Variants in LRFN5 observed in about 807,000 individuals in gnomAD.
The protein encoded by LRFN5 is leucine rich repeat and fibronectin type III domain containing 5, also known as leucine-rich repeat and fibronectin type-III domain-containing protein 5.
Under a neutral mutation model 45.6 loss-of-function variants are expected in LRFN5, and 24 were observed. That is an observed-to-expected ratio of 0.53 (90% CI 0.38 to 0.74). The LOEUF is 0.74. LRFN5 is among the 30% of genes least tolerant of loss of function. The pLI, the probability that LRFN5 is intolerant of heterozygous loss-of-function variation, is 0.00. For synonymous variants in LRFN5, 340 were observed against 313.8 expected, an observed-to-expected ratio of 1.08 and a Z score of -0.88; for missense variants, 776 against 861.5, an observed-to-expected ratio of 0.90 and a Z score of 1.24.
At chr14:41,724,788 T>A (rs542193884) in intron 1 of LRFN5, among the ~76,000 whole-genome samples, 1 of 152,220 alleles carries the variant, frequency 6.6e-6, no homozygotes, top group Non-Finnish European at 1.5e-5. Context: ...CCCGCCCTTA[T>A]GAGAATCATG....
chr14:41,613,948 G>A (rs1426494881), intron 1 of LRFN5, among the ~76,000 whole-genome samples: 2 of 151,944 alleles, frequency 1.3e-5, no homozygotes, highest in East Asian at 3.9e-4. Context: ...CTTCAAGTAG[G>A]TTTTCCATGG....
chr14:41,835,694 C>G (rs1888638347), intron 2 of LRFN5, among the ~76,000 whole-genome samples: 1 of 152,026 alleles, frequency 6.6e-6, no homozygotes, highest in African/African-American at 2.4e-5. Flanking sequence ...CTACTGCACT[C>G]CAGCCTGGCA....
chr14:41,685,263 A>G (rs1351388070), intron 1 of LRFN5, among the ~76,000 whole-genome samples: 1 of 152,162 alleles, frequency 6.6e-6, no homozygotes, highest in African/African-American at 2.4e-5. Context: ...TAAAAATAGA[A>G]CTACTATATT....
chr14:41,878,586 C>T (rs1431252718), intron 2 of LRFN5, among the ~76,000 whole-genome samples: 2 of 151,998 alleles, frequency 1.3e-5, no homozygotes, highest in Admixed American at 6.5e-5. Flanking sequence ...ACAGAATTTG[C>T]TTCAAATAAC....
chr14:41,744,997 T>C (rs1017925445), intron 1 of LRFN5, among the ~76,000 whole-genome samples: 2 of 152,010 alleles, frequency 1.3e-5, no homozygotes, highest in African/African-American at 4.8e-5. Flanking sequence ...GATAAGAAGA[T>C]AGAAGATTTA....
At chr14:41,756,837 T>C (rs1885410900) in intron 1 of LRFN5, among the ~76,000 whole-genome samples, 1 of 152,184 alleles carries the variant, frequency 6.6e-6, no homozygotes, top group Non-Finnish European at 1.5e-5. Context: ...GGTGCTCTGA[T>C]TTTTAGAGTT....
intron 2 of LRFN5, among the ~76,000 whole-genome samples, chr14:41,837,028 TC>T (rs1888684999): frequency 6.6e-6 from 1 of 151,834 alleles, no homozygotes. Context: ...GCCAGTTTCT[TC>T]CTCCCCACAC....
At chr14:41,669,973 T>TA (rs1171209197) in intron 1 of LRFN5, among the ~76,000 whole-genome samples, 4 of 134,586 alleles carry the variant, frequency 3.0e-5, no homozygotes, top group Non-Finnish European at 6.4e-5. Flanking sequence ...AAAAAATAGT[T>TA]AAAAATATAG....
intron 1 of LRFN5, among the ~76,000 whole-genome samples, chr14:41,718,031 C>T (rs957228761): frequency 3.9e-5 from 6 of 152,004 alleles, no homozygotes; most frequent in South Asian, 2.1e-4. Flanking sequence ...GTCTCCAAAA[C>T]CAAGACAGAA....
chr14:41,616,252 A>T (rs1887922201), intron 1 of LRFN5, among the ~76,000 whole-genome samples: 1 of 152,142 alleles, frequency 6.6e-6, no homozygotes, highest in Non-Finnish European at 1.5e-5. Flanking sequence ...TGTCTGTTCT[A>T]GACAAGAATG....
chr14:41,661,791 G>A (rs1880668037), intron 1 of LRFN5, among the ~76,000 whole-genome samples: 1 of 151,986 alleles, frequency 6.6e-6, no homozygotes, highest in Non-Finnish European at 1.5e-5. Flanking sequence ...GGTTGCCCTA[G>A]GCACCTTTGA....
At chr14:41,674,571 C>T in intron 1 of LRFN5, among the ~76,000 whole-genome samples, 1 of 145,952 alleles carries the variant, frequency 6.9e-6, no homozygotes, top group African/African-American at 2.5e-5. Flanking sequence ...CCCCACCTCT[C>T]TCCAGGACGG....
chr14:41,805,922 C>T (rs913549072), intron 2 of LRFN5, among the ~76,000 whole-genome samples: 3 of 152,022 alleles, frequency 2.0e-5, no homozygotes, highest in East Asian at 1.9e-4. Context: ...CTTGGTCACA[C>T]GACTGAGGCA....
Position 41,886,887 on chromosome 14 carries a change from A to G in LRFN5, c.262A>G (p.Ser88Gly). The G allele has an allele frequency of 6.2e-7, 1 of 1,614,212 alleles. No homozygotes were observed. The highest frequency in any genetic ancestry group is 8.5e-7 in the Non-Finnish European group (1 of 1,180,026). ...CCTGACTCTATCCAGGAATACAATA[A>G]GTTTTATTACACCTCATGCTTTCGC... ...VDLTLSRNTI[S>G]FITPHAFADL... The change falls in exon 3 of 6, where the codon AGT (serine) becomes GGT (glycine). Residue 88 changes from serine to glycine, a missense_variant. Ser to Gly is a moderately conservative substitution (Grantham distance 56). Transcript: ENST00000298119.
intron 1 of LRFN5, among the ~76,000 whole-genome samples, chr14:41,660,780 G>A (rs925693400): frequency 1.4e-4 from 21 of 151,080 alleles, no homozygotes; most frequent in Admixed American, 1.3e-3. Flanking sequence ...TCTGATGCAT[G>A]TGGCCCATGG....
rs1890627361 is a variant in LRFN5 at position 41,887,738 on chromosome 14, T to G, written c.1113T>G (p.Asp371Glu). Reference sequence around the variant, plus strand: ...CTGGGGAAGCAACACAAATAGTGGATCTTCATATAATTAAGCTCCCTCACT... The same window carrying G: ...CTGGGGAAGCAACACAAATAGTGGAGCTTCATATAATTAAGCTCCCTCACT... ...NPAGEATQIV[D>E]LHIIKLPHLL... Residue 371 changes from aspartate (D) to glutamate (E), a missense_variant, in exon 3 of 6, where the codon GAT (aspartate) becomes GAG (glutamate). This residue lies in a region of LRFN5 where 465 missense variants were observed against 456.4 expected (regional missense o/e 1.02). Transcript: ENST00000298119. The surrounding 1 kb of genome is among the most constrained non-coding windows in gnomAD (Gnocchi z 4.8). The G allele has an allele frequency of 6.2e-7, 1 of 1,613,864 alleles. No individual in the cohort carries two copies. The highest frequency in any genetic ancestry group is 2.2e-5 in the East Asian group (1 of 44,868).
At chr14:41,790,564 T>A (rs1886883425) in intron 2 of LRFN5, among the ~76,000 whole-genome samples, 1 of 123,386 alleles carries the variant, frequency 8.1e-6, no homozygotes, top group Non-Finnish European at 1.7e-5. Context: ...AATATACATG[T>A]AAGGCTAATT....
intron 1 of LRFN5, among the ~76,000 whole-genome samples, chr14:41,681,429 AGTG>A (rs1446595997): frequency 6.6e-6 from 1 of 152,232 alleles, no homozygotes; most frequent in African/African-American, 2.4e-5. Context: ...CAGACTTCTC[AGTG>A]GATACCTTAT....
chr14:41,871,253 AATT>A lies in LRFN5; in HGVS notation c.-20-15346_-20-15344del, dbSNP rs762033440. On this transcript the variant is annotated intron_variant, in intron 2 of 5. Transcript: ENST00000298119. ...TAAAAATAATCATCAAATCAAAAGT[AATT>A]ATTATTTTGTGTAATAACAAATAAC... 5.6e-4 allele frequency among the ~76,000 whole-genome samples: 85 copies of A among 152,234 alleles called. 1 individual carries two copies. The highest frequency in any genetic ancestry group is 9.6e-4 in the Non-Finnish European group (65 of 68,004).
Sources: allele counts gnomAD v4.1 joint callset (sites outside exome capture counted in the v4.1 genomes callset), GRCh38; gene constraint gnomAD v4.1.1; regional missense constraint gnomAD v4.1.1; non-coding constraint Gnocchi (gnomAD v3.1); transcripts MANE v1.5; gene names NCBI Gene and HGNC (gene_info 2026-07-23, HGNC 2026-07-21).